Variants in MACROD2 observed in about 807,000 individuals in gnomAD.
MACROD2 encodes mono-ADP ribosylhydrolase 2.
A neutral mutation model predicts 70.4 loss-of-function variants in MACROD2; 36 were observed. The observed-to-expected ratio is 0.51, with a 90% confidence interval of 0.39 to 0.68. The LOEUF (loss-of-function observed/expected upper bound fraction) is 0.68. Among genes scored for constraint, MACROD2 ranks in the 30% least tolerant of loss-of-function variants. MACROD2 has a pLI of 0.00. For missense variants in MACROD2, 496 were observed against 538.4 expected, an observed-to-expected ratio of 0.92 and a Z score of 0.78; for synonymous variants, 172 against 178.8, an observed-to-expected ratio of 0.96 and a Z score of 0.30.
intron 4 of MACROD2, among the ~76,000 whole-genome samples, chr20:14,663,820 A>G (rs1444773672): frequency 6.6e-6 from 1 of 152,044 alleles, no homozygotes; most frequent in Non-Finnish European, 1.5e-5. Flanking sequence ...CAGTTAAACT[A>G]TTTGTACAAA....
intron 8 of MACROD2, among the ~76,000 whole-genome samples, chr20:15,852,813 C>G (rs1363161927): frequency 3.3e-5 from 5 of 152,126 alleles, no homozygotes; most frequent in African/African-American, 1.2e-4. Context: ...CATAACCAGC[C>G]TGGGCAACAT....
At chr20:14,384,945 C>A (rs1184846290) in intron 3 of MACROD2, among the ~76,000 whole-genome samples, 1 of 151,944 alleles carries the variant, frequency 6.6e-6, no homozygotes, top group Non-Finnish European at 1.5e-5. Flanking sequence ...ATCAGGAATG[C>A]AGGTAAGAGG....
rs559443190 is a variant in MACROD2 at position 15,055,471 on chromosome 20, C to G, written c.419-174469C>G. ...TTATTGTCTCTGGTTCAGAAGTGGC[C>G]TAATGGTTTACAAGAAGACTGAACA... On this transcript the variant is annotated intron_variant, in intron 5 of 17. Transcript: ENST00000684519. 4.6e-5 allele frequency among the ~76,000 whole-genome samples: 7 copies of G among 152,116 alleles called. No homozygotes were observed. In the South Asian group the frequency reaches 1.5e-3, roughly 32 times the overall value.
At chr20:15,996,181 C>G (rs1327891329) in intron 15 of MACROD2, among the ~76,000 whole-genome samples, 1 of 152,036 alleles carries the variant, frequency 6.6e-6, no homozygotes, top group Non-Finnish European at 1.5e-5. Flanking sequence ...TCTTTCTTGC[C>G]TTTTTAATGA....
chr20:13,998,909 C>G (rs928263133), intron 1 of MACROD2, among the ~76,000 whole-genome samples: 1 of 149,636 alleles, frequency 6.7e-6, no homozygotes, highest in Non-Finnish European at 1.5e-5. Context: ...GAGCTAAGAT[C>G]GCGCCACTGC....
At chr20:15,006,873 C>G (rs2075042028) in intron 5 of MACROD2, among the ~76,000 whole-genome samples, 1 of 152,058 alleles carries the variant, frequency 6.6e-6, no homozygotes, top group Admixed American at 6.5e-5. Context: ...TTATTAAGAT[C>G]CAGTTTGCTC....
At chr20:16,033,585 T>C (rs2067183675) in intron 15 of MACROD2, among the ~76,000 whole-genome samples, 1 of 152,066 alleles carries the variant, frequency 6.6e-6, no homozygotes, top group South Asian at 2.1e-4. Context: ...TAATCAGGCA[T>C]TTATGATAGT....
At chr20:15,111,203 C>T (rs1372052121) in intron 5 of MACROD2, among the ~76,000 whole-genome samples, 2 of 144,454 alleles carry the variant, frequency 1.4e-5, no homozygotes, top group East Asian at 2.0e-4. Flanking sequence ...GACGGAGTCT[C>T]ACTCTGTTGC....
At chr20:14,757,565 GT>G in intron 5 of MACROD2, 5 of 1,001,560 alleles carry the variant, frequency 5.0e-6, no homozygotes, top group Non-Finnish European at 7.7e-6. Flanking sequence ...CCATCAAGAT[GT>G]TGATGCCTAA....
chr20:14,784,298 T>C (rs908871449), intron 5 of MACROD2, among the ~76,000 whole-genome samples: 2 of 152,164 alleles, frequency 1.3e-5, no homozygotes, highest in African/African-American at 2.4e-5. Flanking sequence ...AGTTCTTGCC[T>C]CTGAGCCTTT....
intron 1 of MACROD2, among the ~76,000 whole-genome samples, chr20:14,001,836 T>A (rs1360521712): frequency 6.6e-6 from 1 of 152,096 alleles, no homozygotes; most frequent in East Asian, 1.9e-4. Context: ...AACAACCAGA[T>A]CTCACGAAAA....
Position 14,836,518 on chromosome 20 carries a change from A to G in MACROD2, c.418+151559A>G, listed in dbSNP as rs1018425406. ...AATCAAGGTTAATGAAGGGCTCTGC[A>G]TATGATGACTGTCTTTAAAGTAGGA... On this transcript the variant is annotated intron_variant, in intron 5 of 17. Coordinates refer to ENST00000684519, the MANE Select transcript of MACROD2 (RefSeq NM_001351661.2). Among the ~76,000 whole-genome samples, 147 of 152,200 alleles carry G rather than the reference A, an allele frequency of 9.7e-4. 1 individual carries two copies. Among genetic ancestry groups the G allele is most frequent in the African/African-American group, 3.4e-3 (140 of 41,554 alleles).
Position 15,511,924 on chromosome 20 carries a change from C to T in MACROD2, c.645+12077C>T, listed in dbSNP as rs114515873. On this transcript the variant is annotated intron_variant, in intron 8 of 17. Transcript: ENST00000684519. ...ATCAGAATATCTGAGAAGATAGTGG[C>T]CTATATTTTGAAAATTTCTTCAGGT... Among the ~76,000 whole-genome samples, 649 of 152,280 alleles carry T rather than the reference C, an allele frequency of 4.3e-3. 3 individuals are homozygous for T. Among genetic ancestry groups the T allele is most frequent in the African/African-American group, 0.015 (612 of 41,544 alleles).
At chr20:14,278,647 A>C (rs888024085) in intron 3 of MACROD2, among the ~76,000 whole-genome samples, 3 of 152,206 alleles carry the variant, frequency 2.0e-5, no homozygotes, top group Non-Finnish European at 2.9e-5. Context: ...TTAACTCTTA[A>C]GAAAATGAAA....
At chr20:14,662,396 C>T (rs1312301063) in intron 4 of MACROD2, among the ~76,000 whole-genome samples, 1 of 151,968 alleles carries the variant, frequency 6.6e-6, no homozygotes, top group Non-Finnish European at 1.5e-5. Context: ...TGGAGGAAAA[C>T]CTAGGCAATA....
intron 4 of MACROD2, among the ~76,000 whole-genome samples, chr20:14,608,553 CATTT>C (rs1982959261): frequency 6.6e-6 from 1 of 152,110 alleles, no homozygotes; most frequent in South Asian, 2.1e-4. Flanking sequence ...TTCATTCATT[CATTT>C]ATTCATTTAA....
intron 9 of MACROD2, among the ~76,000 whole-genome samples, chr20:15,885,090 C>T (rs576301072): frequency 1.3e-5 from 2 of 152,180 alleles, no homozygotes; most frequent in African/African-American, 4.8e-5. Context: ...CAGAACATAG[C>T]ACTGGTTGTG....
At chr20:15,320,378 C>T (rs1371584039) in intron 6 of MACROD2, among the ~76,000 whole-genome samples, 1 of 152,134 alleles carries the variant, frequency 6.6e-6, no homozygotes, top group Non-Finnish European at 1.5e-5. Context: ...GCCATTGAAT[C>T]CTTCACTCAA....
At chr20:14,320,182 A>G (rs997084405) in intron 3 of MACROD2, among the ~76,000 whole-genome samples, 7 of 152,162 alleles carry the variant, frequency 4.6e-5, no homozygotes, top group African/African-American at 1.4e-4. Flanking sequence ...TTCCATCTTT[A>G]TTAATTGCCT....
Sources: allele counts gnomAD v4.1 joint callset (sites outside exome capture counted in the v4.1 genomes callset), GRCh38; gene constraint gnomAD v4.1.1; transcripts MANE v1.5; gene names NCBI Gene and HGNC (gene_info 2026-07-23, HGNC 2026-07-21).